Variants in EIF3H observed in about 807,000 individuals in gnomAD.
EIF3H encodes the protein eukaryotic translation initiation factor 3 subunit H.
EIF3H carries 26 observed loss-of-function variants against 44.2 expected under a neutral mutation model. The ratio of observed to expected loss-of-function variants is 0.59; its 90% CI spans 0.43 to 0.82. EIF3H has a LOEUF of 0.82. EIF3H is among the 40% of genes least tolerant of loss of function. EIF3H has a pLI of 0.00. For missense variants in EIF3H, 359 were observed against 432.8 expected, an observed-to-expected ratio of 0.83 and a Z score of 1.51; for synonymous variants, 166 against 151.9, an observed-to-expected ratio of 1.09 and a Z score of -0.68.
rs1813257996 is a variant in EIF3H at position 116,643,785 on chromosome 8, A to G, written c.*1221T>C. 1 of 152,148 alleles carries G rather than the reference A, an allele frequency of 6.6e-6. No homozygotes were observed. The highest frequency in any genetic ancestry group is 1.5e-5 in the Non-Finnish European group (1 of 68,028). 9.4% of individuals were successfully genotyped at this position (152,148 alleles called of 1,614,324 possible). A position where few individuals can be genotyped will look rare whatever the true frequency, so the allele number is the denominator to read the frequency against. Reference sequence around the variant, plus strand: ...TCTCGACTCTCCTGATCTTTCACCCATCTCCTTTTTTGATAACCCTCCTAG... The same window carrying G: ...TCTCGACTCTCCTGATCTTTCACCCGTCTCCTTTTTTGATAACCCTCCTAG... On this transcript the variant is annotated 3_prime_UTR_variant, in exon 8 of 8. Coordinates refer to ENST00000521861, the MANE Select transcript of EIF3H (RefSeq NM_003756.3).
chr8:116,659,099 G>A, intron 2 of EIF3H, 119 bp from the exon 3 acceptor site: 2 of 809,816 alleles, frequency 2.5e-6, no homozygotes, highest in Non-Finnish European at 3.6e-6. Context: ...ATAGGGAACA[G>A]GATTCCAGAT....
intron 1 of EIF3H, among the ~76,000 whole-genome samples, chr8:116,752,708 GAAAGAAAGAAAGAAAGAA>G (rs1563662930): frequency 1.6e-5 from 2 of 128,510 alleles, no homozygotes; most frequent in Non-Finnish European, 3.3e-5. Flanking sequence ...AAGAAAGAAA[GAAAGAAAGAAAGAAAGAA>G]AGAAAGAAGA....
intron 2 of EIF3H, among the ~76,000 whole-genome samples, chr8:116,697,586 C>A (rs1327021202): frequency 6.6e-6 from 1 of 152,224 alleles, no homozygotes; most frequent in East Asian, 1.9e-4. Flanking sequence ...GAGATTCCCA[C>A]TGCATTATGT....
At chr8:116,737,090 T>A in intron 1 of EIF3H, 1 of 222,670 alleles carries the variant, frequency 4.5e-6, no homozygotes, top group Admixed American at 5.5e-5. Flanking sequence ...ATATTTACCA[T>A]CTCCCTGCCC....
rs748075330 is a variant in EIF3H at position 116,655,925 on chromosome 8, A to G, written c.638T>C (p.Val213Ala). Residue 213 changes from valine to alanine, a missense_variant, in exon 5 of 8, where the codon GTC becomes GCC. By Grantham distance (64) the Val-to-Ala change is moderately conservative. Around this residue, in one of 5 missense-constraint regions of EIF3H, gnomAD observed 85 missense variants for 79.2 expected, o/e 1.07. Transcript: ENST00000521861. ...IVIKNSHLIN[V>A]LMWELEKKSA... The stretch of plus-strand genomic sequence containing the variant: ...CTTCTTTTCAAGTTCCCACATTAGG[A>G]CATTGATCAGATGTGAATTTTTAAT... 1 of 1,613,752 alleles carries G rather than the reference A, an allele frequency of 6.2e-7. No individual in the cohort carries two copies. The highest frequency in any genetic ancestry group is 1.1e-5 in the South Asian group (1 of 91,074).
intron 2 of EIF3H, among the ~76,000 whole-genome samples, chr8:116,708,177 G>C (rs2130893497): frequency 6.6e-6 from 1 of 151,978 alleles, no homozygotes; most frequent in East Asian, 1.9e-4. Context: ...ACCGGAATTT[G>C]GAAACTTCAA....
chr8:116,654,229 C>A lies in EIF3H; in HGVS notation c.707+1627G>T, dbSNP rs532927588. ...AATGGGACCTCTTTTTCCTCATTTA[C>A]GTAAAAATACAGAAGACAAAAACTA... On this transcript the variant is annotated intron_variant, in intron 5 of 7. Coordinates refer to ENST00000521861, the MANE Select transcript of EIF3H (RefSeq NM_003756.3). 6.6e-5 allele frequency among the ~76,000 whole-genome samples: 10 copies of A among 152,214 alleles called. No homozygotes were observed. In the East Asian group the frequency reaches 9.7e-4, roughly 15 times the overall value.
intron 1 of EIF3H, among the ~76,000 whole-genome samples, chr8:116,733,138 C>T (rs1285435865): frequency 1.3e-5 from 2 of 152,170 alleles, no homozygotes; most frequent in African/African-American, 2.4e-5. Flanking sequence ...ACTTTACTTA[C>T]ATTTATCACT....
At chr8:116,747,285 C>T (rs898293339) in intron 1 of EIF3H, among the ~76,000 whole-genome samples, 13 of 152,116 alleles carry the variant, frequency 8.5e-5, no homozygotes, top group Admixed American at 8.5e-4. Context: ...AGGTTGGTCT[C>T]GAACTCCTGA....
At chr8:116,719,115 G>C (rs942361131) in intron 2 of EIF3H, among the ~76,000 whole-genome samples, 1 of 152,154 alleles carries the variant, frequency 6.6e-6, no homozygotes, top group Non-Finnish European at 1.5e-5. Context: ...TTTAATAACT[G>C]ACCATTGGAT....
At chr8:116,766,318 G>T, upstream of EIF3H, 1 of 376,244 alleles carries the variant, frequency 2.7e-6, no homozygotes. Context: ...GCCCCAGACT[G>T]CGCATGTGCG....
chr8:116,747,416 A>G (rs1397978281), intron 1 of EIF3H, among the ~76,000 whole-genome samples: 2 of 152,222 alleles, frequency 1.3e-5, no homozygotes, highest in Non-Finnish European at 2.9e-5. Flanking sequence ...ATTGTGTTCC[A>G]TGTTCTCTGA....
At chr8:116,694,942 A>C (rs1488655935) in intron 2 of EIF3H, among the ~76,000 whole-genome samples, 1 of 152,194 alleles carries the variant, frequency 6.6e-6, no homozygotes, top group African/African-American at 2.4e-5. Flanking sequence ...AGAAAATAAA[A>C]ATGTATCTCC....
At chr8:116,756,115 T>C, upstream of EIF3H, 1 of 1,082,546 alleles carries the variant, frequency 9.2e-7, no homozygotes, top group Middle Eastern at 2.0e-4. Context: ...GTAGTGTCTC[T>C]TATGTAAAAA....
intron 2 of EIF3H, among the ~76,000 whole-genome samples, chr8:116,661,233 G>T (rs1402362264): frequency 6.6e-6 from 1 of 152,192 alleles, no homozygotes; most frequent in Non-Finnish European, 1.5e-5. Context: ...AATGGGAGCT[G>T]AAACTGAATT....
intron 2 of EIF3H, among the ~76,000 whole-genome samples, chr8:116,676,563 C>T (rs769721357): frequency 6.6e-6 from 1 of 152,198 alleles, no homozygotes; most frequent in Non-Finnish European, 1.5e-5. Flanking sequence ...TCCACCTGGT[C>T]TCTCCCTTGA....
chr8:116,726,320 C>T lies in EIF3H; in HGVS notation c.133-148G>A, dbSNP rs543206776. On this transcript the variant is annotated intron_variant, in intron 1 of 7. Coordinates refer to ENST00000521861, the MANE Select transcript of EIF3H (RefSeq NM_003756.3). ...TAAATAAATGTCTTACAAATCCTTT[C>T]CTTTACCCTTACATAAATAATAAAG... 1,133 of 871,992 alleles carry T rather than the reference C, an allele frequency of 1.3e-3. 2 individuals carry two copies. Among genetic ancestry groups the T allele is most frequent in the Non-Finnish European group, 1.7e-3 (1,041 of 607,998 alleles). 54.0% of individuals were successfully genotyped at this position (871,992 alleles called of 1,614,324 possible).
intron 2 of EIF3H, among the ~76,000 whole-genome samples, chr8:116,677,597 G>C (rs188542789): frequency 2.6e-5 from 4 of 152,304 alleles, no homozygotes; most frequent in African/African-American, 9.6e-5. Context: ...AACAATAATA[G>C]CTTCCATTTA....
At chr8:116,703,327 A>G (rs1429395244) in intron 2 of EIF3H, among the ~76,000 whole-genome samples, 1 of 151,194 alleles carries the variant, frequency 6.6e-6, no homozygotes, top group Non-Finnish European at 1.5e-5. Context: ...ATGCCTGGGA[A>G]GCACCCATTA....
Sources: allele counts gnomAD v4.1 joint callset (sites outside exome capture counted in the v4.1 genomes callset), GRCh38; gene constraint gnomAD v4.1.1; regional missense constraint gnomAD v4.1.1; transcripts MANE v1.5; gene names NCBI Gene and HGNC (gene_info 2026-07-23, HGNC 2026-07-21).